The following ABI3BP variants were observed in gnomAD, a reference collection of about 807,000 sequenced individuals.
ABI3BP encodes target of Nesh-SH3.
A neutral mutation model predicts 268.6 loss-of-function variants in ABI3BP; 216 were observed. The ratio of observed to expected loss-of-function variants is 0.80; its 90% CI spans 0.72 to 0.90. ABI3BP has a LOEUF of 0.90. ABI3BP is among the 40% of genes least tolerant of loss of function. The pLI, the probability that ABI3BP is intolerant of heterozygous loss-of-function variation, is 0.00. For synonymous variants in ABI3BP, 730 were observed against 730.0 expected, an observed-to-expected ratio of 1.00 and a Z score of 0.00; for missense variants, 2,090 against 2,182.4, an observed-to-expected ratio of 0.96 and a Z score of 0.84.
At chr3:100,859,726 T>C (rs560070737) in intron 14 of ABI3BP, among the ~76,000 whole-genome samples, 9 of 152,276 alleles carry the variant, frequency 5.9e-5, no homozygotes, top group African/African-American at 2.2e-4. Context: ...GCACTTACAC[T>C]AGAAATGGAA....
At chr3:100,912,086 G>T in intron 2 of ABI3BP, 1 of 672,888 alleles carries the variant, frequency 1.5e-6, no homozygotes, top group South Asian at 1.6e-5. Context: ...ACTTCCTTAA[G>T]AAGAACACCT....
At position 100,850,668 on chromosome 3, in the gene ABI3BP, G is replaced by A. The variant is rs771843440; in HGVS notation, c.1418C>T (p.Ala473Val). 6.2e-7 allele frequency: 1 copy of A among 1,609,380 alleles called. No individual in the cohort carries two copies. The highest frequency in any genetic ancestry group is 1.1e-5 in the South Asian group (1 of 90,916). Residue 473 changes from alanine to valine, a missense_variant, in exon 16 of 68, where the codon GCA (alanine) becomes GTA (valine). Coordinates refer to ENST00000471714, the MANE Select transcript of ABI3BP (RefSeq NM_001375547.2). Reference sequence around the variant, plus strand: ...TCTGTTAAAAACATTACCCAGTGTTGCCCTTGGCTGTTCAAGAGTTCTAGA... The same window carrying A: ...TCTGTTAAAAACATTACCCAGTGTTACCCTTGGCTGTTCAAGAGTTCTAGA... ...KTSRTLEQPR[A>V]TLAPSETPFV... is the part of the protein sequence containing the mutation.
chr3:100,834,764 G>A lies in ABI3BP; in HGVS notation c.2201C>T (p.Thr734Ile). 2 of 1,535,608 alleles carry A rather than the reference G, an allele frequency of 1.3e-6. No homozygotes were observed. ...EATVTTLAPK[T>I]SQRTRTRRPR... ...ACGACGTGTTCTTGTTCGTTGCGATGTTTTTGGAGCTAAAGAAAGGAAACT... is the reference window on the plus strand; with the variant it reads ...ACGACGTGTTCTTGTTCGTTGCGATATTTTTGGAGCTAAAGAAAGGAAACT... Residue 734 changes from threonine to isoleucine, a missense_variant, in exon 29 of 68, where the codon ACA (threonine) becomes ATA (isoleucine). Thr to Ile is a moderately conservative substitution (Grantham distance 89). Coordinates refer to ENST00000471714, the MANE Select transcript of ABI3BP (RefSeq NM_001375547.2).
chr3:100,849,236 T>C (rs548117961), intron 17 of ABI3BP, among the ~76,000 whole-genome samples: 2 of 150,112 alleles, frequency 1.3e-5, no homozygotes, highest in South Asian at 4.3e-4. Context: ...TTTTTTTTTT[T>C]TTTTTTTGGA....
At chr3:100,847,718 T>TA in intron 18 of ABI3BP, 45 bp from the exon 19 acceptor site, 1 of 1,487,624 alleles carries the variant, frequency 6.7e-7, no homozygotes, top group Middle Eastern at 1.7e-4. Context: ...CTAGAGACAA[T>TA]AAAAAGACAC....
At chr3:100,946,651 G>T (rs936598615) in intron 1 of ABI3BP, among the ~76,000 whole-genome samples, 2 of 151,878 alleles carry the variant, frequency 1.3e-5, no homozygotes, top group Non-Finnish European at 2.9e-5. Context: ...AACTGGGCGT[G>T]GTGGTGCATG....
At chr3:100,982,860 A>C (rs2090214332) in intron 1 of ABI3BP, among the ~76,000 whole-genome samples, 1 of 152,132 alleles carries the variant, frequency 6.6e-6, no homozygotes, top group African/African-American at 2.4e-5. Context: ...CATCTGGGAA[A>C]GTGAAAGGAG....
At chr3:100,854,555 A>C (rs2098917237) in intron 14 of ABI3BP, among the ~76,000 whole-genome samples, 1 of 152,228 alleles carries the variant, frequency 6.6e-6, no homozygotes, top group African/African-American at 2.4e-5. Flanking sequence ...ATAAGTAGCC[A>C]AGAGTTAAGG....
At chr3:100,768,397 T>A (rs1189594745) in intron 62 of ABI3BP, among the ~76,000 whole-genome samples, 1 of 152,160 alleles carries the variant, frequency 6.6e-6, no homozygotes, top group Non-Finnish European at 1.5e-5. Context: ...CTGGCTCAAG[T>A]TTTAAAAGCT....
At chr3:100,943,766 T>C (rs1437444308) in intron 1 of ABI3BP, among the ~76,000 whole-genome samples, 6 of 152,154 alleles carry the variant, frequency 3.9e-5, no homozygotes, top group Non-Finnish European at 1.5e-5. Flanking sequence ...AGTATTCAGA[T>C]AGTTATTAAA....
intron 1 of ABI3BP, among the ~76,000 whole-genome samples, chr3:100,952,014 C>A (rs1164639052): frequency 6.6e-6 from 1 of 152,100 alleles, no homozygotes; most frequent in Non-Finnish European, 1.5e-5. Flanking sequence ...CCAACAAGAT[C>A]ACTGTTTATT....
At chr3:100,751,818 G>A in intron 66 of ABI3BP, 144 bp from the exon 67 acceptor site, 2 of 763,738 alleles carry the variant, frequency 2.6e-6, no homozygotes, top group South Asian at 2.7e-5. Context: ...TTGCCTACCT[G>A]TATTCTTCCT....
chr3:100,867,640 C>CAAAA (rs5851230), intron 9 of ABI3BP, among the ~76,000 whole-genome samples: 1,665 of 64,052 alleles, frequency 0.026, 165 homozygotes, highest in African/African-American at 0.099. Context: ...GACCCCGTCT[C>CAAAA]AAAAAAAAAA....
intron 1 of ABI3BP, among the ~76,000 whole-genome samples, chr3:100,937,471 T>G (rs973367374): frequency 6.6e-6 from 1 of 151,974 alleles, no homozygotes; most frequent in African/African-American, 2.4e-5. Flanking sequence ...GAGATATAGC[T>G]CAGCAATAAA....
intron 1 of ABI3BP, among the ~76,000 whole-genome samples, chr3:100,927,429 A>G (rs1290938525): frequency 6.6e-6 from 1 of 152,146 alleles, no homozygotes; most frequent in African/African-American, 2.4e-5. Context: ...TGAGTTATTT[A>G]CAAAGGTTAG....
Position 100,870,377 on chromosome 3 carries a change from C to G in ABI3BP, c.911-3421G>C, listed in dbSNP as rs1305460756. 2.1e-4 allele frequency among the ~76,000 whole-genome samples: 32 copies of G among 151,732 alleles called. 1 individual carries two copies. Among genetic ancestry groups the G allele is most frequent in the Admixed American group, 2.1e-3 (32 of 15,226 alleles). On this transcript the variant is annotated intron_variant, in intron 9 of 67. Transcript: ENST00000471714. ...CCAAATAACCTAATTAAAACATGGG[C>G]AAAGGACCTGAATAGACATTTCTCC...
At position 100,770,727 on chromosome 3, in the gene ABI3BP, C is replaced by T. The variant is rs373354577; in HGVS notation, c.4741+16G>A. 10 of 1,456,384 alleles carry T rather than the reference C, an allele frequency of 6.9e-6. No individual in the cohort carries two copies. The East Asian group carries it at 1.5e-4, about 22-fold the overall frequency. The allele number at this position is 1,456,384 out of a possible 1,614,324, so 90.2% of individuals were successfully genotyped here. ...CAAAGCTTCCCACCATAACAGTCCT[C>T]ATGCCATGATCTTACCAGTGACAGT... On this transcript the variant is annotated intron_variant, in intron 62 of 67. Coordinates refer to ENST00000471714, the MANE Select transcript of ABI3BP (RefSeq NM_001375547.2).
chr3:100,753,703 G>T, intron 65 of ABI3BP, 116 bp downstream of exon 65: 2 of 1,108,958 alleles, frequency 1.8e-6, no homozygotes, highest in Non-Finnish European at 1.3e-6. Flanking sequence ...ACTGTTTGGT[G>T]TTATAAGAAG....
chr3:100,810,588 C>T (rs1019769775), intron 48 of ABI3BP, 111 bp from the exon 49 acceptor site: 61 of 730,778 alleles, frequency 8.3e-5, no homozygotes, highest in Middle Eastern at 3.2e-4. Context: ...AAGAAAATTG[C>T]AAGTCTGCAG....
Sources: gnomAD v4.1 joint callset for allele counts (sites outside exome capture counted in the v4.1 genomes callset) on GRCh38, gnomAD v4.1.1 for gene constraint, MANE v1.5 for transcripts, NCBI Gene and HGNC (gene_info 2026-07-23, HGNC 2026-07-21) for gene names.